Variants in USP15 observed in about 807,000 individuals in gnomAD.
USP15 encodes ubiquitin carboxyl-terminal hydrolase 15.
In USP15, 18 loss-of-function variants were observed where a neutral mutation model predicts 127.1. The ratio of observed to expected loss-of-function variants is 0.14; its 90% CI spans 0.10 to 0.21. USP15 has a LOEUF of 0.21. Ranked by LOEUF, USP15 falls within the 10% of genes least tolerant of loss-of-function variation. USP15 has a pLI of 1.00. For missense variants in USP15, 805 were observed against 1,159.9 expected, an observed-to-expected ratio of 0.69 and a Z score of 4.44; for synonymous variants, 364 against 393.7, an observed-to-expected ratio of 0.92 and a Z score of 0.89.
intron 8 of USP15, among the ~76,000 whole-genome samples, chr12:62,380,274 G>A (rs1015088561): frequency 2.0e-5 from 3 of 151,704 alleles, no homozygotes; most frequent in Non-Finnish European, 4.4e-5. Flanking sequence ...GACTACTTCA[G>A]TAAACATGTT....
At chr12:62,344,979 G>A (rs756181988) in intron 6 of USP15, among the ~76,000 whole-genome samples, 1 of 152,232 alleles carries the variant, frequency 6.6e-6, no homozygotes, top group Non-Finnish European at 1.5e-5. Flanking sequence ...CTCCAGGCCT[G>A]TGATGGGAGG....
chr12:62,286,238 C>T (rs571815056), intron 1 of USP15, among the ~76,000 whole-genome samples: 1 of 152,060 alleles, frequency 6.6e-6, no homozygotes, highest in East Asian at 1.9e-4. Flanking sequence ...AGAGAATTCT[C>T]CAAAGAACAC....
chr12:62,352,207 A>G (rs2065985921), intron 7 of USP15, among the ~76,000 whole-genome samples: 1 of 151,810 alleles, frequency 6.6e-6, no homozygotes, highest in Non-Finnish European at 1.5e-5. Flanking sequence ...AAATAAGAAT[A>G]TTGTTATAAA....
At position 62,393,222 on chromosome 12, in the gene USP15, T is replaced by C; in HGVS notation, c.2570+20T>C. 1.9e-6 allele frequency: 3 copies of C among 1,605,454 alleles called. No homozygotes were observed. Among genetic ancestry groups the C allele is most frequent in the Non-Finnish European group, 2.6e-6 (3 of 1,174,996 alleles). On this transcript the variant is annotated intron_variant, in intron 19 of 21. Coordinates refer to ENST00000280377, the MANE Select transcript of USP15 (RefSeq NM_001252078.2). ...TATCAAGTAAGCTTTAATTGTACTT[T>C]ATAAGCATTGGGCAACTCTTCTTTC... is the stretch of plus-strand genomic sequence containing the variant.
chr12:62,349,399 C>A (rs2065906283), intron 7 of USP15, 92 bp downstream of exon 7: 1 of 762,320 alleles, frequency 1.3e-6, no homozygotes, highest in Non-Finnish European at 1.9e-6. Flanking sequence ...GGATAAAAGT[C>A]TTAATGCATT....
intron 6 of USP15, among the ~76,000 whole-genome samples, chr12:62,337,880 A>G (rs556331082): frequency 6.6e-6 from 1 of 152,232 alleles, no homozygotes; most frequent in South Asian, 2.1e-4. Context: ...CCAGTCTATC[A>G]GGATGGAGAT....
rs765881247 is a variant in USP15, at chr12:62,390,884, CTGAAACTGA to C, written c.1866_1874del (p.Glu626_Glu628del). 1.9e-6 allele frequency: 3 copies of C among 1,611,154 alleles called. No homozygotes were observed. Among genetic ancestry groups the C allele is most frequent in the Non-Finnish European group, 2.5e-6 (3 of 1,178,230 alleles). On this transcript the variant is annotated inframe_deletion, in exon 15 of 22. Coordinates refer to ENST00000280377, the MANE Select transcript of USP15 (RefSeq NM_001252078.2). ...TTAAGCCGATATGTCAAAATATCTA[CTGAAACTGA>C]AGAAACTGAAGGATCCCTACACTGC...
chr12:62,411,431 A>G lies in USP15; in HGVS notation c.*7056A>G, dbSNP rs1272385176. 2 of 152,204 alleles carry G rather than the reference A, an allele frequency of 1.3e-5. No individual in the cohort carries two copies. Among genetic ancestry groups the G allele is most frequent in the Non-Finnish European group, 2.9e-5 (2 of 68,030 alleles). 9.4% of individuals were successfully genotyped at this position (152,204 alleles called of 1,614,324 possible). The stretch of plus-strand genomic sequence containing the variant: ...GGCACTATTCTAGATTCAAGATATA[A>G]AGTAATATACAAAAACAAAATCCAG... On this transcript the variant is annotated 3_prime_UTR_variant, in exon 22 of 22. Transcript: ENST00000280377.
chr12:62,293,060 C>T (rs1160611523), intron 1 of USP15, among the ~76,000 whole-genome samples: 1 of 152,130 alleles, frequency 6.6e-6, no homozygotes, highest in Non-Finnish European at 1.5e-5. Context: ...AGCAACCCAG[C>T]GTGAGCTTGC....
At chr12:62,277,038 G>A (rs1413306260) in intron 1 of USP15, among the ~76,000 whole-genome samples, 1 of 152,030 alleles carries the variant, frequency 6.6e-6, no homozygotes, top group African/African-American at 2.4e-5. Context: ...CTATTTGACT[G>A]TACTTCATTC....
At chr12:62,334,748 C>A (rs1490613461) in intron 6 of USP15, among the ~76,000 whole-genome samples, 3 of 152,106 alleles carry the variant, frequency 2.0e-5, no homozygotes, top group Non-Finnish European at 4.4e-5. Context: ...ATATAAAAAT[C>A]TTTAAATAAC....
chr12:62,391,882 C>T lies in USP15; in HGVS notation c.2300C>T (p.Ala767Val). Residue 767 changes from alanine to valine, a missense_variant, in exon 17 of 22, where the codon GCT becomes GTT. Physicochemically the swap from Ala to Val is moderately conservative, Grantham distance 64. Transcript: ENST00000280377. ...AAAAGATATTTTGATGAAAATGCTG[C>T]TGAGGTAAGTCATCACTCACTCACT... ...LKKRYFDENA[A>V]EDFEKHESVE... is the part of the protein sequence containing the mutation. The T allele has an allele frequency of 6.2e-7, 1 of 1,608,192 alleles. No homozygotes were observed. Among genetic ancestry groups the T allele is most frequent in the South Asian group, 1.1e-5 (1 of 90,324 alleles).
In USP15 at chr12:62,409,998, A is replaced by C. The variant is rs575455961; in HGVS notation, c.*5623A>C. The C allele has an allele frequency of 6.6e-6, 1 of 152,228 alleles. No homozygotes were observed. Among genetic ancestry groups the C allele is most frequent in the Admixed American group, 6.5e-5 (1 of 15,282 alleles). 9.4% of individuals were successfully genotyped at this position (152,228 alleles called of 1,614,324 possible). A position where few individuals can be genotyped will look rare whatever the true frequency, so the allele number is the denominator to read the frequency against. On this transcript the variant is annotated 3_prime_UTR_variant, in exon 22 of 22. Transcript: ENST00000280377. ...CCTCTGTTCATGATTAAGTATGCTA[A>C]GTTTTAAGTAATTTAGACTAATGTA...
chr12:62,308,611 G>A (rs1275493782), intron 3 of USP15, among the ~76,000 whole-genome samples: 2 of 152,078 alleles, frequency 1.3e-5, no homozygotes, highest in South Asian at 2.1e-4. Flanking sequence ...AGCTACATGA[G>A]TGAGCTTGTA....
chr12:62,354,634 A>G (rs946564303), intron 7 of USP15, among the ~76,000 whole-genome samples: 3 of 151,960 alleles, frequency 2.0e-5, no homozygotes, highest in Admixed American at 6.6e-5. Flanking sequence ...CAGTTTTTTA[A>G]TATTAACATT....
At chr12:62,337,255 T>G (rs2065495475) in intron 6 of USP15, among the ~76,000 whole-genome samples, 1 of 152,152 alleles carries the variant, frequency 6.6e-6, no homozygotes, top group African/African-American at 2.4e-5. Flanking sequence ...TCAGAAAACC[T>G]CTGCTTGATA....
chr12:62,336,444 CA>C (rs1196487660), intron 6 of USP15: 1 of 985,400 alleles, frequency 1.0e-6, no homozygotes, highest in East Asian at 1.1e-4. Flanking sequence ...AGTTAGTCAG[CA>C]AGTCTTGCAG....
intron 6 of USP15, chr12:62,336,758 A>G (rs1204624277): frequency 6.4e-6 from 1 of 155,306 alleles, no homozygotes; most frequent in African/African-American, 2.4e-5. Context: ...ATTCTTGTAT[A>G]TTCTTCTGCA....
chr12:62,287,494 A>G (rs2063821211), intron 1 of USP15, among the ~76,000 whole-genome samples: 1 of 152,164 alleles, frequency 6.6e-6, no homozygotes, highest in South Asian at 2.1e-4. Context: ...GGCATAGATT[A>G]CAGATGTTTT....
Sources: gnomAD v4.1 joint callset for allele counts (sites outside exome capture counted in the v4.1 genomes callset) on GRCh38, gnomAD v4.1.1 for gene constraint, MANE v1.5 for transcripts, NCBI Gene and HGNC (gene_info 2026-07-23, HGNC 2026-07-21) for gene names.